Variants in BTK observed in about 807,000 individuals in gnomAD.
The protein encoded by BTK is tyrosine-protein kinase BTK.
BTK carries 5 observed loss-of-function variants against 57.4 expected under a neutral mutation model. That is an observed-to-expected ratio of 0.09 (90% CI 0.05 to 0.18). The LOEUF (loss-of-function observed/expected upper bound fraction) is 0.18. Ranked by LOEUF, BTK falls within the 10% of genes least tolerant of loss-of-function variation. The pLI, the probability that BTK is intolerant of heterozygous loss-of-function variation, is 1.00. For synonymous variants in BTK, 154 were observed against 174.3 expected (o/e 0.88, Z 0.92); for missense variants, 194 against 501.2 (o/e 0.39, Z 5.85).
chrX:101,369,861 TC>T (rs1926968063), intron 5 of BTK, 136 bp downstream of exon 5: 2 of 571,202 alleles, frequency 3.5e-6, no homozygotes, highest in Non-Finnish European at 2.7e-6. Context: ...TCCATTTTTT[TC>T]TTCTTTTCTC....
intron 1 of BTK, among the ~76,000 whole-genome samples, chrX:101,377,479 T>A (rs956587096): frequency 9.0e-6 from 1 of 111,400 alleles, no homozygotes; most frequent in African/African-American, 3.3e-5. Context: ...ACAAACCATG[T>A]CTGGTGTACT....
chrX:101,356,964 A>G lies in BTK; in HGVS notation c.1178-9T>C, dbSNP rs781957893. Reference sequence around the variant, plus strand: ...ATCAATTTCCCATGATCCTAACAATAAAGTCTTGGTGTGATTCTTTGGGGT... The same window carrying G: ...ATCAATTTCCCATGATCCTAACAATGAAGTCTTGGTGTGATTCTTTGGGGT... On this transcript the variant is annotated splice_polypyrimidine_tract_variant and intron_variant, in intron 13 of 18. Transcript: ENST00000308731. The G allele has an allele frequency of 3.3e-6, 4 of 1,210,826 alleles. No individual in the cohort carries two copies. Among genetic ancestry groups the G allele is most frequent in the Non-Finnish European group, 4.5e-6 (4 of 894,390 alleles).
chrX:101,358,604 T>C lies in BTK; in HGVS notation c.974+13A>G. 2 of 1,204,682 alleles carry C rather than the reference T, an allele frequency of 1.7e-6. No individual in the cohort carries two copies. Among genetic ancestry groups the C allele is most frequent in the Non-Finnish European group, 1.1e-6 (1 of 889,138 alleles). The stretch of plus-strand genomic sequence containing the variant: ...GTTCTTTGTCCTCAGGGCCTTGGAA[T>C]AGTAGCACTCACCCTGTGGATTTAG... On this transcript the variant is annotated intron_variant, in intron 11 of 18. Transcript: ENST00000308731.
intron 4 of BTK, 122 bp from the exon 5 acceptor site, chrX:101,370,201 T>C (rs1926982160): frequency 1.7e-6 from 1 of 599,807 alleles, no homozygotes; most frequent in African/African-American, 2.2e-5. Flanking sequence ...AAAGGCAGAA[T>C]CTTCAGTCAG....
chrX:101,378,751 G>A (rs782385496), intron 1 of BTK, among the ~76,000 whole-genome samples: 30 of 111,698 alleles, frequency 2.7e-4, no homozygotes, highest in African/African-American at 9.4e-4. Context: ...GAAAGACGAA[G>A]CTTATTAACA....
At position 101,353,957 on chromosome X, in the gene BTK, C is replaced by T. The variant is rs1926383261; in HGVS notation, c.1663G>A (p.Val555Ile). Reference sequence around the variant, plus strand: ...CACCGGACTGGAAATTTGGAGCCTACTGAGCTTGTGTATTCATCATCCAGG... The same window carrying T: ...CACCGGACTGGAAATTTGGAGCCTATTGAGCTTGTGTATTCATCATCCAGG... ...YVLDDEYTSS[V>I]GSKFPVRWSP... Residue 555 changes from valine (V) to isoleucine (I), a missense_variant, in exon 17 of 19, where the codon GTA (valine) becomes ATA (isoleucine). Val to Ile is a conservative substitution (Grantham distance 29). Around this residue, in one of 3 missense-constraint regions of BTK, gnomAD observed 79 missense variants for 217.7 expected, o/e 0.36. Coordinates refer to ENST00000308731, the MANE Select transcript of BTK (RefSeq NM_000061.3). 1 of 1,210,139 alleles carries T rather than the reference C, an allele frequency of 8.3e-7. No individual in the cohort carries two copies. Among genetic ancestry groups the T allele is most frequent in the South Asian group, 1.8e-5 (1 of 56,977 alleles).
upstream of BTK, chrX:101,390,426 C>T: frequency 2.0e-6 from 1 of 507,593 alleles, no homozygotes; most frequent in African/African-American, 2.3e-5. Flanking sequence ...TCCTTTTCTT[C>T]AAAGTACTTA....
intron 1 of BTK, 68 bp from the exon 2 acceptor site, chrX:101,375,382 C>G (rs1927177017): frequency 9.5e-7 from 1 of 1,056,165 alleles, no homozygotes; most frequent in Admixed American, 2.2e-5. Flanking sequence ...CCCCCTCAGC[C>G]TAGCTACCTA....
At chrX:101,375,587 G>A (rs1927185287) in intron 1 of BTK, among the ~76,000 whole-genome samples, 2 of 112,338 alleles carry the variant, frequency 1.8e-5, no homozygotes, top group African/African-American at 6.5e-5. Flanking sequence ...ATGTTAAATG[G>A]CACGCACCTG....
At chrX:101,367,175 CGGCG>C (rs1291951984) in intron 5 of BTK, among the ~76,000 whole-genome samples, 1 of 106,871 alleles carries the variant, frequency 9.4e-6, no homozygotes, top group Non-Finnish European at 1.9e-5. Context: ...ACCTAGGAGG[CGGCG>C]GTTGCAGTGA....
At chrX:101,367,046 C>A (rs2147440350) in intron 5 of BTK, among the ~76,000 whole-genome samples, 1 of 110,546 alleles carries the variant, frequency 9.0e-6, no homozygotes, top group East Asian at 2.8e-4. Context: ...GAGTTCAAGA[C>A]CAGCCTGGCC....
At chrX:101,355,626 C>T in intron 15 of BTK, 1 of 129,701 alleles carries the variant, frequency 7.7e-6, no homozygotes, top group African/African-American at 3.2e-5. Context: ...TAAGGGTTTG[C>T]TAATTATTAT....
Position 101,349,777 on chromosome X carries a change from A to T in BTK, c.*108T>A, listed in dbSNP as rs782454052. 4 of 660,621 alleles carry T rather than the reference A, an allele frequency of 6.1e-6. No homozygotes were observed. In the African/African-American group the frequency reaches 6.6e-5, roughly 11 times the overall value. 54.4% of individuals were successfully genotyped at this position (660,621 alleles called of 1,213,427 possible). Reference sequence around the variant, plus strand: ...TGTAGAGAGGGGCCTTTTTGTATTGAGTGGGAGCACAAAGGCTCCAGGGCT... The same window carrying T: ...TGTAGAGAGGGGCCTTTTTGTATTGTGTGGGAGCACAAAGGCTCCAGGGCT... On this transcript the variant is annotated 3_prime_UTR_variant, in exon 19 of 19. Coordinates refer to ENST00000308731, the MANE Select transcript of BTK (RefSeq NM_000061.3).
chrX:101,360,302 T>A, intron 8 of BTK, 152 bp from the exon 9 acceptor site: 1 of 537,021 alleles, frequency 1.9e-6, no homozygotes, highest in Admixed American at 2.5e-5. Context: ...CTCTGATGCA[T>A]GGTTAGGCAG....
At chrX:101,375,376 C>T in intron 1 of BTK, 62 bp from the exon 2 acceptor site, 1 of 1,075,883 alleles carries the variant, frequency 9.3e-7, no homozygotes, top group Admixed American at 2.2e-5. Flanking sequence ...TTGGTTCCCC[C>T]TCAGCCTAGC....
At chrX:101,375,061 G>A (rs1419125860) in intron 2 of BTK, 83 bp downstream of exon 2, 3 of 1,161,925 alleles carry the variant, frequency 2.6e-6, no homozygotes, top group African/African-American at 3.6e-5. Context: ...TCCTACCAAC[G>A]AAAATTTACC....
At chrX:101,359,242 G>T in intron 10 of BTK, 51 bp downstream of exon 10, 1 of 1,180,368 alleles carries the variant, frequency 8.5e-7, no homozygotes, top group Non-Finnish European at 1.2e-6. Flanking sequence ...CTCAGTTCAA[G>T]ATCCTCACTT....
chrX:101,382,992 C>T (rs1441937426), intron 1 of BTK, among the ~76,000 whole-genome samples: 2 of 110,991 alleles, frequency 1.8e-5, no homozygotes, highest in Non-Finnish European at 3.8e-5. Context: ...TAGGGAGACC[C>T]CCATCTCAAA....
At chrX:101,362,361 T>G in intron 6 of BTK, 121 bp from the exon 7 acceptor site, 1 of 998,505 alleles carries the variant, frequency 1.0e-6, no homozygotes. Flanking sequence ...AAAAAGTAGC[T>G]AGGCATGCCA....
Sources: gnomAD v4.1 joint callset for allele counts (sites outside exome capture counted in the v4.1 genomes callset) on GRCh38, gnomAD v4.1.1 for gene constraint, gnomAD v4.1.1 regional missense constraint, MANE v1.5 for transcripts, NCBI Gene and HGNC (gene_info 2026-07-23, HGNC 2026-07-21) for gene names.